Variants in MYO3A observed in about 807,000 individuals in gnomAD.
MYO3A encodes myosin-IIIa.
A neutral mutation model predicts 192.7 loss-of-function variants in MYO3A; 180 were observed. The ratio of observed to expected loss-of-function variants is 0.93; its 90% CI spans 0.83 to 1.06. The LOEUF is 1.06. Ranked by LOEUF, MYO3A falls within the 50% of genes least tolerant of loss-of-function variation. The probability of loss-of-function intolerance (pLI) is 0.00; values close to 1 mark genes in which losing one functional copy is unlikely to be tolerated. For synonymous variants in MYO3A, 628 were observed against 645.3 expected (o/e 0.97, Z 0.41); for missense variants, 1,896 against 1,905.0 (o/e 1.00, Z 0.09).
chr10:26,027,129 C>T (rs1387756389), intron 10 of MYO3A, among the ~76,000 whole-genome samples: 1 of 152,020 alleles, frequency 6.6e-6, no homozygotes, highest in Non-Finnish European at 1.5e-5. Flanking sequence ...AACCATAAAA[C>T]TTGAAAGACC....
chr10:26,209,264 C>T (rs186657986), intron 34 of MYO3A, among the ~76,000 whole-genome samples: 7 of 152,328 alleles, frequency 4.6e-5, no homozygotes. Flanking sequence ...GACTCAAGGA[C>T]ATTGTCCTGC....
chr10:26,142,155 A>C (rs1438665090), intron 20 of MYO3A, among the ~76,000 whole-genome samples: 1 of 152,232 alleles, frequency 6.6e-6, no homozygotes, highest in African/African-American at 2.4e-5. Flanking sequence ...CAATTAATTA[A>C]AGAATATATT....
chr10:26,063,751 A>G (rs896538032), intron 10 of MYO3A, among the ~76,000 whole-genome samples: 1 of 152,232 alleles, frequency 6.6e-6, no homozygotes, highest in Admixed American at 6.5e-5. Context: ...GCTGAGGAGG[A>G]AACAACAAGA....
chr10:26,037,650 T>C (rs1588836029), intron 10 of MYO3A, among the ~76,000 whole-genome samples: 1 of 152,190 alleles, frequency 6.6e-6, no homozygotes, highest in Admixed American at 6.5e-5. Context: ...CACACTGCTC[T>C]AAAGAACTAC....
chr10:26,190,890 A>C (rs1843092897), intron 31 of MYO3A, among the ~76,000 whole-genome samples: 1 of 152,186 alleles, frequency 6.6e-6, no homozygotes, highest in Non-Finnish European at 1.5e-5. Context: ...TTGATGAAAA[A>C]ATGAACACAA....
At chr10:26,089,368 A>G (rs924663505) in intron 15 of MYO3A, among the ~76,000 whole-genome samples, 7 of 152,058 alleles carry the variant, frequency 4.6e-5, no homozygotes, top group African/African-American at 1.4e-4. Context: ...TTGGGAGGCC[A>G]AGGCGGGTGG....
At chr10:25,985,108 T>A (rs1232670992) in intron 4 of MYO3A, among the ~76,000 whole-genome samples, 2 of 151,794 alleles carry the variant, frequency 1.3e-5, no homozygotes, top group Non-Finnish European at 2.9e-5. Flanking sequence ...CATGGCGGTG[T>A]GTGCCTGTCG....
intron 1 of MYO3A, 53 bp from the exon 2 acceptor site, chr10:25,935,691 G>A (rs1248632452): frequency 1.3e-5 from 2 of 152,146 alleles, no homozygotes; most frequent in Admixed American, 6.5e-5. Context: ...ATTTTCCCCA[G>A]ATCCTGAATG....
At chr10:26,000,422 A>G (rs1029732926) in intron 6 of MYO3A, among the ~76,000 whole-genome samples, 1 of 152,238 alleles carries the variant, frequency 6.6e-6, no homozygotes, top group Non-Finnish European at 1.5e-5. Flanking sequence ...AATAATGAAC[A>G]TTTATTCTAG....
intron 10 of MYO3A, among the ~76,000 whole-genome samples, chr10:26,050,839 C>G (rs943098519): frequency 6.6e-6 from 1 of 152,118 alleles, no homozygotes; most frequent in Non-Finnish European, 1.5e-5. Flanking sequence ...AAGGGATTTC[C>G]ATATGGTAGA....
At chr10:25,944,746 T>G (rs1836729574) in intron 2 of MYO3A, among the ~76,000 whole-genome samples, 1 of 152,096 alleles carries the variant, frequency 6.6e-6, no homozygotes, top group Non-Finnish European at 1.5e-5. Flanking sequence ...TAATTGGTAA[T>G]AATTTTCCCT....
chr10:26,170,485 C>G lies in MYO3A; in HGVS notation c.3344C>G (p.Thr1115Ser). The G allele has an allele frequency of 6.2e-7, 1 of 1,613,294 alleles. No homozygotes were observed. The highest frequency in any genetic ancestry group is 8.5e-7 in the Non-Finnish European group (1 of 1,179,590). Residue 1115 changes from threonine to serine, a missense_variant, in exon 29 of 35, where the codon ACC becomes AGC. Transcript: ENST00000642920. ...IVDMKNTAVT[T>S]IQTSDQEFDY... Reference sequence around the variant, plus strand: ...GACATGAAAAACACAGCAGTAACAACCATTCAAACTTCTGATCAGGAATTC... The same window carrying G: ...GACATGAAAAACACAGCAGTAACAAGCATTCAAACTTCTGATCAGGAATTC...
At chr10:26,001,919 C>T (rs924734695) in intron 6 of MYO3A, among the ~76,000 whole-genome samples, 4 of 152,082 alleles carry the variant, frequency 2.6e-5, no homozygotes, top group Middle Eastern at 3.2e-3. Flanking sequence ...CCCAGGAGTT[C>T]GAGGCTGCAG....
Position 26,076,943 on chromosome 10 carries a change from C to T in MYO3A, c.1359+6542C>T, listed in dbSNP as rs749413684. Among the ~76,000 whole-genome samples, 8 of 151,834 alleles carry T rather than the reference C, an allele frequency of 5.3e-5. No homozygotes were observed. In the East Asian group the frequency reaches 1.2e-3, roughly 22 times the overall value. On this transcript the variant is annotated intron_variant, in intron 14 of 34. Coordinates refer to ENST00000642920, the MANE Select transcript of MYO3A (RefSeq NM_017433.5). Reference sequence around the variant, plus strand: ...TCAAGTAGTGTGATGCCTCAAGATTCGTTCCTTTTGCTTAGTCTTGCTTTG... The same window carrying T: ...TCAAGTAGTGTGATGCCTCAAGATTTGTTCCTTTTGCTTAGTCTTGCTTTG...
chr10:26,016,548 G>A (rs559234330), intron 6 of MYO3A, among the ~76,000 whole-genome samples: 1 of 152,272 alleles, frequency 6.6e-6, no homozygotes, highest in Admixed American at 6.5e-5. Flanking sequence ...TATAATTGGA[G>A]CAGATTAAAA....
intron 28 of MYO3A, among the ~76,000 whole-genome samples, chr10:26,169,618 C>T (rs1841941640): frequency 6.6e-6 from 1 of 152,186 alleles, no homozygotes; most frequent in African/African-American, 2.4e-5. Context: ...AGCCTGCATT[C>T]TGAAGAACAC....
chr10:26,108,587 A>G (rs929201865), intron 17 of MYO3A, among the ~76,000 whole-genome samples: 12 of 152,206 alleles, frequency 7.9e-5, no homozygotes, highest in Non-Finnish European at 1.3e-4. Context: ...AAAATGGAAG[A>G]CTATCAGCAA....
chr10:26,149,457 G>T (rs1041274556), intron 23 of MYO3A, among the ~76,000 whole-genome samples: 4 of 151,882 alleles, frequency 2.6e-5, no homozygotes, highest in Non-Finnish European at 4.4e-5. Flanking sequence ...CTGGTATTGA[G>T]CTCCTGACCT....
intron 4 of MYO3A, among the ~76,000 whole-genome samples, chr10:25,980,140 G>A (rs1030959232): frequency 2.6e-5 from 4 of 152,020 alleles, no homozygotes; most frequent in African/African-American, 7.3e-5. Context: ...GGGAGGCTGA[G>A]GCAGGAGAAT....
Sources: gnomAD v4.1 joint callset for allele counts (sites outside exome capture counted in the v4.1 genomes callset) on GRCh38, gnomAD v4.1.1 for gene constraint, MANE v1.5 for transcripts, NCBI Gene and HGNC (gene_info 2026-07-23, HGNC 2026-07-21) for gene names.